CUL3: variants seen among roughly 807,000 people sequenced by gnomAD.
CUL3 encodes cullin 3.
Under a neutral mutation model 89.1 loss-of-function variants are expected in CUL3, and 19 were observed. That is an observed-to-expected ratio of 0.21 (90% CI 0.15 to 0.31). CUL3 has a LOEUF of 0.31. Ranked by LOEUF, CUL3 falls within the 10% of genes least tolerant of loss-of-function variation. The probability of loss-of-function intolerance (pLI) is 1.00; values close to 1 mark genes in which losing one functional copy is unlikely to be tolerated. For synonymous variants in CUL3, 351 were observed against 308.4 expected (o/e 1.14, Z -1.45); for missense variants, 469 against 942.3 (o/e 0.50, Z 6.58).
intron 2 of CUL3, among the ~76,000 whole-genome samples, chr2:224,535,909 G>A (rs1693881327): frequency 6.6e-6 from 1 of 152,098 alleles, no homozygotes; most frequent in Non-Finnish European, 1.5e-5. Context: ...TGACATCATT[G>A]TCAGAGTAAA....
intron 1 of CUL3, among the ~76,000 whole-genome samples, chr2:224,583,522 C>T (rs1169041221): frequency 6.6e-6 from 1 of 152,158 alleles, no homozygotes; most frequent in Non-Finnish European, 1.5e-5. Flanking sequence ...TAGTAAGCTT[C>T]GTTAGTACTC....
At chr2:224,570,397 G>T (rs1695156330) in intron 1 of CUL3, among the ~76,000 whole-genome samples, 1 of 152,172 alleles carries the variant, frequency 6.6e-6, no homozygotes, top group Non-Finnish European at 1.5e-5. Context: ...TTTGCTTGTG[G>T]CCAGAGAAAC....
chr2:224,476,928 C>G (rs1691344011), intron 15 of CUL3, among the ~76,000 whole-genome samples: 1 of 152,188 alleles, frequency 6.6e-6, no homozygotes, highest in African/African-American at 2.4e-5. Flanking sequence ...GAATAAGCCA[C>G]TCTTGGTGGT....
At chr2:224,532,932 T>C (rs757943161) in intron 3 of CUL3, 2 of 152,018 alleles carry the variant, frequency 1.3e-5, no homozygotes, top group Non-Finnish European at 2.9e-5. Context: ...GGGGAGAAAA[T>C]ACAAGTAAAG....
rs1296944543 is a variant in CUL3, at chr2:224,562,654, AGAC to A, written c.67-4801_67-4799del. 8 of 151,474 alleles carry A rather than the reference AGAC, an allele frequency of 5.3e-5. No homozygotes were observed. The South Asian group carries it at 6.3e-4, about 12-fold the overall frequency. 9.4% of individuals were successfully genotyped at this position (151,474 alleles called of 1,614,324 possible). On this transcript the variant is annotated intron_variant, in intron 1 of 15. Transcript: ENST00000264414. ...CTTTGTCTCAAAAAAAAAAAAAAAA[AGAC>A]GACGACAATGAAAAATAGACCCAGA...
At chr2:224,563,092 CAAAT>C (rs779720316) in intron 1 of CUL3, 12 of 376,888 alleles carry the variant, frequency 3.2e-5, no homozygotes, top group Non-Finnish European at 4.2e-5. Context: ...CGACAGTCAT[CAAAT>C]AAATGTCAGA....
intron 13 of CUL3, among the ~76,000 whole-genome samples, chr2:224,487,174 TAA>T (rs973901182): frequency 6.6e-6 from 1 of 152,132 alleles, no homozygotes; most frequent in African/African-American, 2.4e-5. Flanking sequence ...TACCAAAATG[TAA>T]AGACTATTGA....
intron 3 of CUL3, among the ~76,000 whole-genome samples, chr2:224,521,201 C>T (rs1693246006): frequency 6.6e-6 from 1 of 152,068 alleles, no homozygotes; most frequent in South Asian, 2.1e-4. Context: ...CAATGGTGCA[C>T]CCAAGGAAAG....
intron 3 of CUL3, among the ~76,000 whole-genome samples, chr2:224,528,365 C>CGT (rs1363932071): frequency 9.2e-5 from 14 of 152,168 alleles, no homozygotes; most frequent in Admixed American, 9.2e-4. Context: ...CTGACTGACT[C>CGT]TTTCATCTCT....
chr2:224,573,206 C>T (rs13020268), intron 1 of CUL3, among the ~76,000 whole-genome samples: 74,349 of 151,932 alleles, frequency 0.49, 18,356 homozygotes, highest in East Asian at 0.59. Flanking sequence ...GACAAAAAAT[C>T]AAAAATCAAA....
At chr2:224,501,736 G>A (rs1003834478) in intron 10 of CUL3, among the ~76,000 whole-genome samples, 3 of 152,126 alleles carry the variant, frequency 2.0e-5, no homozygotes, top group African/African-American at 7.2e-5. Flanking sequence ...GTGGAGAACT[G>A]TTTATACATT....
chr2:224,550,515 T>A (rs1040473199), intron 2 of CUL3, among the ~76,000 whole-genome samples: 2 of 152,320 alleles, frequency 1.3e-5, no homozygotes, highest in South Asian at 4.1e-4. Flanking sequence ...CTCGGATAAT[T>A]TGATTTGCAT....
chr2:224,563,434 C>G (rs1158934129), intron 1 of CUL3: 1 of 325,646 alleles, frequency 3.1e-6, no homozygotes, highest in African/African-American at 2.2e-5. Flanking sequence ...CAAAACTTTC[C>G]AAGTATACTG....
At chr2:224,579,252 G>GT (rs1695381231) in intron 1 of CUL3, among the ~76,000 whole-genome samples, 1 of 152,064 alleles carries the variant, frequency 6.6e-6, no homozygotes, top group Non-Finnish European at 1.5e-5. Context: ...TTAAGTATAA[G>GT]TAACACTTTA....
At chr2:224,542,291 A>T (rs569786480) in intron 2 of CUL3, among the ~76,000 whole-genome samples, 1 of 152,310 alleles carries the variant, frequency 6.6e-6, no homozygotes, top group South Asian at 2.1e-4. Context: ...TTAAATCCTT[A>T]GCAAAGATTA....
intron 1 of CUL3, among the ~76,000 whole-genome samples, chr2:224,567,106 T>C (rs1038262393): frequency 6.6e-6 from 1 of 152,196 alleles, no homozygotes; most frequent in Non-Finnish European, 1.5e-5. Flanking sequence ...GGTTTACAGT[T>C]TTCCACTAAA....
At chr2:224,583,744 C>T (rs1184722235) in intron 1 of CUL3, among the ~76,000 whole-genome samples, 2 of 152,182 alleles carry the variant, frequency 1.3e-5, no homozygotes, top group Admixed American at 1.3e-4. Context: ...TCAGAGAGGT[C>T]CTCATGTTCT....
In CUL3 at chr2:224,496,065, T is replaced by C. The variant is rs534961331; in HGVS notation, c.1708-99A>G. ...CATATGTATGTTACAGGGTCTCACT[T>C]TGTCATCCAGGCTACAGTGCAGTGG... On this transcript the variant is annotated intron_variant, in intron 12 of 15. Coordinates refer to ENST00000264414, the MANE Select transcript of CUL3 (RefSeq NM_003590.5). 440 of 1,339,122 alleles carry C rather than the reference T, an allele frequency of 3.3e-4. 8 individuals are homozygous for C. In the South Asian group the frequency reaches 5.6e-3, roughly 17 times the overall value. 83.0% of individuals were successfully genotyped at this position (1,339,122 alleles called of 1,614,324 possible).
chr2:224,481,785 G>T, intron 14 of CUL3, 107 bp downstream of exon 14: 2 of 705,034 alleles, frequency 2.8e-6, no homozygotes, highest in Non-Finnish European at 4.2e-6. Flanking sequence ...TAAGTATCAT[G>T]CAGCACCAGA....
Sources: gnomAD v4.1 joint callset for allele counts (sites outside exome capture counted in the v4.1 genomes callset) on GRCh38, gnomAD v4.1.1 for gene constraint, MANE v1.5 for transcripts, NCBI Gene and HGNC (gene_info 2026-07-23, HGNC 2026-07-21) for gene names.